The following ADAM12 variants were observed in gnomAD, a reference collection of about 807,000 sequenced individuals.
The protein encoded by ADAM12 is ADAM metallopeptidase domain 12.
In ADAM12, 70 loss-of-function variants were observed where a neutral mutation model predicts 106.4. That is an observed-to-expected ratio of 0.66 (90% CI 0.54 to 0.80). ADAM12 has a LOEUF of 0.80. Among genes scored for constraint, ADAM12 ranks in the 30% least tolerant of loss-of-function variants. The probability of loss-of-function intolerance (pLI) is 0.00; values close to 1 mark genes in which losing one functional copy is unlikely to be tolerated. For missense variants in ADAM12, 1,010 were observed against 1,171.9 expected, an observed-to-expected ratio of 0.86 and a Z score of 2.02; for synonymous variants, 420 against 433.5, an observed-to-expected ratio of 0.97 and a Z score of 0.39.
At chr10:126,142,806 G>T (rs761968365) in intron 4 of ADAM12, among the ~76,000 whole-genome samples, 11 of 152,180 alleles carry the variant, frequency 7.2e-5, no homozygotes, top group Non-Finnish European at 1.5e-4. Context: ...AAATAGGAGG[G>T]GTCCAAAGGT....
At chr10:126,019,348 A>G (rs1289673344) in intron 22 of ADAM12, among the ~76,000 whole-genome samples, 2 of 152,114 alleles carry the variant, frequency 1.3e-5, no homozygotes, top group Non-Finnish European at 2.9e-5. Context: ...ACAGACTAAC[A>G]CAGGTGTCCA....
chr10:126,308,828 G>C (rs1486741044), intron 2 of ADAM12, among the ~76,000 whole-genome samples: 1 of 152,110 alleles, frequency 6.6e-6, no homozygotes, highest in Non-Finnish European at 1.5e-5. Context: ...TGATGTCTTG[G>C]AGACCCTTTA....
intron 1 of ADAM12, among the ~76,000 whole-genome samples, 168 bp downstream of exon 1, chr10:126,387,889 TG>T (rs548403267): frequency 0.17 from 13,970 of 83,382 alleles, 968 homozygotes; most frequent in East Asian, 0.32. Context: ...AATTGGCACC[TG>T]GGGGGGGGGG....
At chr10:126,387,675 G>T (rs1856715070) in intron 1 of ADAM12, among the ~76,000 whole-genome samples, 1 of 152,150 alleles carries the variant, frequency 6.6e-6, no homozygotes, top group South Asian at 2.1e-4. Flanking sequence ...GGAGCCTGGG[G>T]TGGGGATATT....
chr10:126,382,634 A>G (rs1856534918), intron 1 of ADAM12, among the ~76,000 whole-genome samples: 1 of 152,158 alleles, frequency 6.6e-6, no homozygotes, highest in Admixed American at 6.5e-5. Flanking sequence ...CAGTAAATCC[A>G]TCTGTGGAAG....
At chr10:126,345,602 C>T (rs1359947999) in intron 1 of ADAM12, among the ~76,000 whole-genome samples, 1 of 152,144 alleles carries the variant, frequency 6.6e-6, no homozygotes, top group Non-Finnish European at 1.5e-5. Context: ...GGAATGGTAC[C>T]AGCTCCTCCT....
intron 1 of ADAM12, among the ~76,000 whole-genome samples, chr10:126,369,902 T>C (rs975417230): frequency 6.6e-6 from 1 of 152,230 alleles, no homozygotes; most frequent in Non-Finnish European, 1.5e-5. Context: ...CAGTAGACTA[T>C]AGCAATATTC....
At chr10:126,117,804 T>C (rs541577078) in intron 6 of ADAM12, among the ~76,000 whole-genome samples, 33 of 151,348 alleles carry the variant, frequency 2.2e-4, no homozygotes, top group Non-Finnish European at 4.4e-4. Context: ...TGTGTGACTT[T>C]CCTCAGCATA....
At chr10:126,199,154 G>A (rs1957651591) in intron 3 of ADAM12, among the ~76,000 whole-genome samples, 1 of 152,152 alleles carries the variant, frequency 6.6e-6, no homozygotes. Flanking sequence ...ACCCCAATAA[G>A]TTTAGACTAA....
chr10:126,215,713 A>T (rs960598415), intron 3 of ADAM12, among the ~76,000 whole-genome samples: 5 of 152,192 alleles, frequency 3.3e-5, no homozygotes, highest in African/African-American at 1.2e-4. Flanking sequence ...GCAAAACTGA[A>T]GCCTGCAATG....
At chr10:126,350,560 G>A (rs971239120) in intron 1 of ADAM12, among the ~76,000 whole-genome samples, 2 of 152,248 alleles carry the variant, frequency 1.3e-5, no homozygotes, top group Non-Finnish European at 2.9e-5. Context: ...TCCAGAGCCT[G>A]ACTCTGTCCA....
intron 3 of ADAM12, among the ~76,000 whole-genome samples, chr10:126,229,006 T>A (rs1023250634): frequency 1.3e-5 from 2 of 152,222 alleles, no homozygotes; most frequent in Non-Finnish European, 2.9e-5. Context: ...TCCAATACCT[T>A]TTTGTGGTTC....
At chr10:126,328,116 G>T (rs1172880512) in intron 2 of ADAM12, among the ~76,000 whole-genome samples, 6 of 152,124 alleles carry the variant, frequency 3.9e-5, no homozygotes, top group Non-Finnish European at 5.9e-5. Context: ...ATACTTTGTT[G>T]TTTTTTTCTT....
At chr10:126,095,395 G>A (rs970458628) in intron 10 of ADAM12, among the ~76,000 whole-genome samples, 4 of 151,894 alleles carry the variant, frequency 2.6e-5, no homozygotes, top group Admixed American at 1.3e-4. Context: ...CTAGCCGGGC[G>A]TGGTGGCGGG....
intron 5 of ADAM12, among the ~76,000 whole-genome samples, chr10:126,133,295 G>A (rs574319742): frequency 3.9e-5 from 6 of 152,132 alleles, no homozygotes; most frequent in African/African-American, 7.2e-5. Context: ...GCGTGTACGC[G>A]TATTGGAGTC....
intron 4 of ADAM12, among the ~76,000 whole-genome samples, chr10:126,152,008 GT>G (rs59527849): frequency 0.046 from 6,161 of 132,938 alleles, 103 homozygotes; most frequent in Non-Finnish European, 0.055. Context: ...TCCCTCTTGA[GT>G]TTTTTTTTTT....
intron 3 of ADAM12, among the ~76,000 whole-genome samples, chr10:126,251,455 TGGATGGATG>T (rs1157671190): frequency 4.8e-5 from 7 of 145,250 alleles, no homozygotes; most frequent in Non-Finnish European, 6.1e-5. Context: ...GATAGATGGA[TGGATGGATG>T]GGATGGATGG....
At chr10:126,082,166 T>TA (rs754560174) in intron 11 of ADAM12, among the ~76,000 whole-genome samples, 1 of 152,212 alleles carries the variant, frequency 6.6e-6, no homozygotes, top group Admixed American at 6.5e-5. Flanking sequence ...AGATGGCTGT[T>TA]ACCTGCTACG....
chr10:126,375,742 C>CT (rs34064275), intron 1 of ADAM12, among the ~76,000 whole-genome samples: 1,416 of 140,368 alleles, frequency 0.01, 25 homozygotes, highest in African/African-American at 0.034. Context: ...TCTTCTTCTT[C>CT]TTTTTTTTTT....
Sources: allele counts gnomAD v4.1 joint callset (sites outside exome capture counted in the v4.1 genomes callset), GRCh38; gene constraint gnomAD v4.1.1; transcripts MANE v1.5; gene names NCBI Gene and HGNC (gene_info 2026-07-23, HGNC 2026-07-21).